The following TFPI variants were observed in gnomAD, a reference collection of about 807,000 sequenced individuals.
TFPI encodes anti-convertin.
A neutral mutation model predicts 34.6 loss-of-function variants in TFPI; 15 were observed. The observed-to-expected ratio is 0.43, with a 90% CI of 0.29 to 0.67. The LOEUF (loss-of-function observed/expected upper bound fraction) is 0.67, where lower values mean the gene tolerates loss of function less well. Among genes scored for constraint, TFPI ranks in the 30% least tolerant of loss-of-function variants. The pLI is 0.15. For synonymous variants in TFPI, 105 were observed against 120.1 expected (o/e 0.87, Z 0.82); for missense variants, 301 against 364.0 (o/e 0.83, Z 1.41).
rs1691745834 is a variant in TFPI, at chr2:187,466,976, A to C, written c.875T>G (p.Val292Gly). ...KTKRKRKKQRVKIAYEEIFVK... is the reference protein window; with the variant it reads ...KTKRKRKKQRGKIAYEEIFVK... ...AAAAATTTCTTCATATGCTATTTTC[A>C]CTCTCTGCTTCTTTCTTTTTCTTTT... The change falls in exon 8 of 8, where the codon GTG becomes GGG. Residue 292 changes from valine to glycine, a missense_variant. Val to Gly is a moderately radical substitution (Grantham distance 109). Transcript: ENST00000233156. 2 of 1,588,228 alleles carry C rather than the reference A, an allele frequency of 1.3e-6. No homozygotes were observed. The highest frequency in any genetic ancestry group is 8.6e-7 in the Non-Finnish European group (1 of 1,164,836).
chr2:187,547,086 A>G (rs537344430), intron 1 of TFPI: 4 of 149,664 alleles, frequency 2.7e-5, no homozygotes, highest in African/African-American at 7.3e-5. Flanking sequence ...AGGCAAATAC[A>G]TTGGAGACTT....
chr2:187,528,962 A>C (rs1010752961), intron 1 of TFPI, among the ~76,000 whole-genome samples: 2 of 152,206 alleles, frequency 1.3e-5, no homozygotes, highest in African/African-American at 4.8e-5. Context: ...AAAAGGCAGT[A>C]AAGATTTGAT....
At chr2:187,513,577 T>C (rs527934465) in intron 1 of TFPI, 140 of 152,672 alleles carry the variant, frequency 9.2e-4, no homozygotes, top group African/African-American at 3.3e-3. Context: ...AAAGATCACA[T>C]AAGAAGGAAA....
intron 1 of TFPI, among the ~76,000 whole-genome samples, chr2:187,537,113 A>G (rs1688303154): frequency 6.6e-6 from 1 of 152,242 alleles, no homozygotes. Context: ...AAAACAGTTC[A>G]TGCTCATGGA....
chr2:187,544,880 C>G (rs537400345), intron 1 of TFPI, among the ~76,000 whole-genome samples: 1 of 152,114 alleles, frequency 6.6e-6, no homozygotes, highest in Non-Finnish European at 1.5e-5. Context: ...TTTGGGAGGC[C>G]AAGGCGGGCG....
chr2:187,515,002 C>G (rs1223844099), intron 1 of TFPI: 1 of 152,226 alleles, frequency 6.6e-6, no homozygotes, highest in Non-Finnish European at 1.5e-5. Flanking sequence ...CCTGGGGCTA[C>G]CTGACCAGAC....
chr2:187,494,373 C>A (rs988400590), intron 3 of TFPI, among the ~76,000 whole-genome samples: 1 of 152,170 alleles, frequency 6.6e-6, no homozygotes, highest in Non-Finnish European at 1.5e-5. Flanking sequence ...AGAGAGACCA[C>A]CATGCTGTAC....
intron 1 of TFPI, among the ~76,000 whole-genome samples, chr2:187,551,786 T>C (rs1299856511): frequency 1.3e-5 from 2 of 152,192 alleles, no homozygotes; most frequent in Admixed American, 1.3e-4. Flanking sequence ...TATATTTCTA[T>C]AAAAGATAGC....
At chr2:187,475,029 A>G (rs1692284190) in intron 6 of TFPI, among the ~76,000 whole-genome samples, 3 of 152,160 alleles carry the variant, frequency 2.0e-5, no homozygotes, top group African/African-American at 7.2e-5. Context: ...ACCCTTGTGC[A>G]GGTCTCTGTC....
In TFPI at chr2:187,465,567, C is replaced by CT. The variant is rs1491111426; in HGVS notation, c.*1368_*1369insA. The CT allele has an allele frequency of 8.9e-6, 1 of 111,828 alleles. No homozygotes were observed. The highest frequency in any genetic ancestry group is 3.5e-5 in the African/African-American group (1 of 28,514). The allele number at this position is 111,828 out of a possible 1,614,324, so 6.9% of individuals were successfully genotyped here. A position where few individuals can be genotyped will look rare whatever the true frequency, so the allele number is the denominator to read the frequency against. On this transcript the variant is annotated 3_prime_UTR_variant, in exon 8 of 8. Transcript: ENST00000233156. ...AGCCTAGGGATTGGGTGAACTTTTT[C>CT]GAAAAAAAAAAAAAAAAGCATAAAG...
intron 6 of TFPI, among the ~76,000 whole-genome samples, chr2:187,480,558 A>G (rs1692778341): frequency 6.6e-6 from 1 of 152,138 alleles, no homozygotes; most frequent in Non-Finnish European, 1.5e-5. Flanking sequence ...TTTATCTGCT[A>G]TATCATTATT....
chr2:187,496,086 T>C (rs564713685), intron 3 of TFPI, among the ~76,000 whole-genome samples: 1 of 152,264 alleles, frequency 6.6e-6, no homozygotes, highest in South Asian at 2.1e-4. Flanking sequence ...TTTAATATAA[T>C]ATGACGTACT....
intron 7 of TFPI, among the ~76,000 whole-genome samples, chr2:187,467,350 A>G (rs557360249): frequency 2.3e-4 from 35 of 152,068 alleles, no homozygotes; most frequent in Admixed American, 1.7e-3. Context: ...ATTAAGTTAC[A>G]GATAGTTTTT....
At chr2:187,520,585 C>G (rs1687315033) in intron 1 of TFPI, 1 of 152,180 alleles carries the variant, frequency 6.6e-6, no homozygotes. Flanking sequence ...GGAGCTCTTC[C>G]TATTCGGCCA....
At chr2:187,552,681 G>T (rs1238330493) in intron 1 of TFPI, among the ~76,000 whole-genome samples, 1 of 151,804 alleles carries the variant, frequency 6.6e-6, no homozygotes, top group African/African-American at 2.4e-5. Context: ...TAAAACAAAA[G>T]ATATCAGACT....
intron 6 of TFPI, among the ~76,000 whole-genome samples, chr2:187,476,111 A>G (rs1238186422): frequency 6.6e-6 from 1 of 152,214 alleles, no homozygotes; most frequent in Non-Finnish European, 1.5e-5. Context: ...CATGGTCAAC[A>G]GGGACTGATT....
chr2:187,488,283 A>T, intron 4 of TFPI, 54 bp downstream of exon 4: 1 of 1,442,480 alleles, frequency 6.9e-7, no homozygotes, highest in South Asian at 1.3e-5. Context: ...AAAAAATTGA[A>T]TATCTAAATG....
intron 1 of TFPI, among the ~76,000 whole-genome samples, chr2:187,528,418 G>GT (rs978377340): frequency 3.2e-4 from 49 of 151,952 alleles, no homozygotes; most frequent in African/African-American, 3.4e-4. Flanking sequence ...TTATATACCA[G>GT]TTTTTTTTAA....
chr2:187,477,152 T>A (rs1692429882), intron 6 of TFPI, among the ~76,000 whole-genome samples: 1 of 152,194 alleles, frequency 6.6e-6, no homozygotes. Context: ...ATTAGAAAAG[T>A]AGACAGTGGT....
Sources: gnomAD v4.1 joint callset for allele counts (sites outside exome capture counted in the v4.1 genomes callset) on GRCh38, gnomAD v4.1.1 for gene constraint, MANE v1.5 for transcripts, NCBI Gene and HGNC (gene_info 2026-07-23, HGNC 2026-07-21) for gene names.